HDAC9: variants seen among roughly 807,000 people sequenced by gnomAD.
HDAC9 encodes the protein histone deacetylase 9.
In HDAC9, 41 loss-of-function variants were observed where a neutral mutation model predicts 139.4. The observed-to-expected ratio is 0.29, with a 90% CI of 0.23 to 0.38. The LOEUF (loss-of-function observed/expected upper bound fraction) is 0.38, where lower values mean the gene tolerates loss of function less well. HDAC9 is among the 10% of genes least tolerant of loss of function. The pLI, the probability that HDAC9 is intolerant of heterozygous loss-of-function variation, is 1.00. For missense variants in HDAC9, 1,147 were observed against 1,297.0 expected (o/e 0.88, Z 1.78); for synonymous variants, 517 against 476.2 (o/e 1.09, Z -1.12).
chr7:18,530,451 C>T (rs1425346132), intron 2 of HDAC9, among the ~76,000 whole-genome samples: 1 of 151,998 alleles, frequency 6.6e-6, no homozygotes, highest in Non-Finnish European at 1.5e-5. Flanking sequence ...AAAATGCACC[C>T]TTGCTAAAGC....
chr7:18,673,253 T>C (rs1050121509), intron 12 of HDAC9, among the ~76,000 whole-genome samples: 1 of 151,970 alleles, frequency 6.6e-6, no homozygotes, highest in African/African-American at 2.4e-5. Context: ...TGCTGTAGCC[T>C]GAGTGACAAA....
chr7:18,553,311 A>T (rs1817715248), intron 2 of HDAC9, among the ~76,000 whole-genome samples: 1 of 152,150 alleles, frequency 6.6e-6, no homozygotes, highest in Non-Finnish European at 1.5e-5. Context: ...TAAAATAAAA[A>T]CCTTAAGAAC....
At chr7:18,481,657 T>G (rs1417656739) in intron 1 of HDAC9, among the ~76,000 whole-genome samples, 17 of 152,176 alleles carry the variant, frequency 1.1e-4, no homozygotes, top group Non-Finnish European at 2.2e-4. Context: ...GATAAAATGA[T>G]GTAATGTGAG....
chr7:18,362,111 C>G (rs1267917879), intron 1 of HDAC9, among the ~76,000 whole-genome samples: 3 of 152,208 alleles, frequency 2.0e-5, no homozygotes, highest in Non-Finnish European at 4.4e-5. Flanking sequence ...GCTCTCCTCA[C>G]TGATTATGAA....
Position 18,594,003 on chromosome 7 carries a change from A to T in HDAC9, c.638A>T (p.Lys213Met), listed in dbSNP as rs1002719050. ...ACATTACCAGGAGCACAAGATGCAA[A>T]GGATGATTTCCCCCTTCGAAAAACT... Reference protein sequence around the residue: ...KYTLPGAQDAKDDFPLRKTAS... With the variant: ...KYTLPGAQDAMDDFPLRKTAS... The change falls in exon 6 of 26, where the codon AAG (lysine) becomes ATG (methionine). Residue 213 changes from lysine to methionine, a missense_variant. This residue lies in a region of HDAC9 where 79 missense variants were observed against 65.8 expected (regional missense o/e 1.20). Coordinates refer to ENST00000686413, the MANE Select transcript of HDAC9 (RefSeq NM_178425.4). 3.7e-6 allele frequency: 6 copies of T among 1,612,646 alleles called. No individual in the cohort carries two copies. The highest frequency in any genetic ancestry group is 5.1e-6 in the Non-Finnish European group (6 of 1,179,040).
intron 1 of HDAC9, among the ~76,000 whole-genome samples, chr7:18,365,546 A>C (rs997722509): frequency 2.0e-5 from 3 of 152,104 alleles, no homozygotes; most frequent in African/African-American, 7.2e-5. Flanking sequence ...TTTCTCCAAT[A>C]ATCCTTAGCC....
intron 23 of HDAC9, among the ~76,000 whole-genome samples, chr7:18,946,008 G>C (rs1198601606): frequency 8.9e-6 from 1 of 112,414 alleles, no homozygotes; most frequent in East Asian, 2.9e-4. Flanking sequence ...CTGCACTCCA[G>C]CCTGGGTGAT....
intron 2 of HDAC9, among the ~76,000 whole-genome samples, chr7:18,241,301 T>C (rs1197200448): frequency 6.6e-6 from 1 of 152,232 alleles, no homozygotes; most frequent in African/African-American, 2.4e-5. Context: ...ATGGTCTCTT[T>C]GTGAATTCCT....
chr7:18,756,511 A>G (rs1193747243), intron 14 of HDAC9, among the ~76,000 whole-genome samples: 1 of 152,224 alleles, frequency 6.6e-6, no homozygotes, highest in Non-Finnish European at 1.5e-5. Flanking sequence ...AACCTCAGTA[A>G]TTTATCATTG....
At chr7:18,368,665 T>C (rs1784369240) in intron 1 of HDAC9, among the ~76,000 whole-genome samples, 2 of 152,120 alleles carry the variant, frequency 1.3e-5, no homozygotes, top group South Asian at 2.1e-4. Context: ...GGATTAACCC[T>C]TTCCATTATC....
At chr7:18,635,330 A>G (rs943505440) in intron 8 of HDAC9, among the ~76,000 whole-genome samples, 1 of 151,974 alleles carries the variant, frequency 6.6e-6, no homozygotes, top group African/African-American at 2.4e-5. Flanking sequence ...CACTGAGCAA[A>G]CATTTTTTGA....
intron 20 of HDAC9, 55 bp from the exon 21 acceptor site, chr7:18,835,845 C>A (rs778271640): frequency 1.9e-5 from 24 of 1,238,422 alleles, no homozygotes; most frequent in Non-Finnish European, 2.4e-5. Context: ...TCTCTTCTTG[C>A]TTTCTTCCAT....
At chr7:18,127,030 T>C (rs1784715496) in intron 1 of HDAC9, among the ~76,000 whole-genome samples, 1 of 152,116 alleles carries the variant, frequency 6.6e-6, no homozygotes, top group African/African-American at 2.4e-5. Context: ...TTATCTAATT[T>C]TGGTTTTGCA....
At chr7:18,733,398 A>G (rs943297599) in intron 13 of HDAC9, among the ~76,000 whole-genome samples, 24 of 150,720 alleles carry the variant, frequency 1.6e-4, no homozygotes, top group Admixed American at 1.1e-3. Context: ...TATTACTCAT[A>G]TTAGAATAGA....
chr7:18,362,792 G>GTCTCA (rs1445863816), intron 1 of HDAC9, among the ~76,000 whole-genome samples: 1 of 152,140 alleles, frequency 6.6e-6, no homozygotes, highest in Non-Finnish European at 1.5e-5. Flanking sequence ...GTATTCATGA[G>GTCTCA]TCTCATATTT....
At chr7:18,316,811 T>C (rs1268029935) in intron 1 of HDAC9, among the ~76,000 whole-genome samples, 1 of 151,560 alleles carries the variant, frequency 6.6e-6, no homozygotes, top group African/African-American at 2.4e-5. Flanking sequence ...AGCAAGCCTC[T>C]GTCTCAAAAA....
intron 23 of HDAC9, among the ~76,000 whole-genome samples, chr7:18,950,488 G>A (rs950731186): frequency 6.6e-6 from 1 of 152,028 alleles, no homozygotes; most frequent in Non-Finnish European, 1.5e-5. Context: ...TAGCTATGGT[G>A]AGCAGAATAA....
At chr7:18,429,602 T>G (rs1009272527) in intron 1 of HDAC9, among the ~76,000 whole-genome samples, 7 of 152,100 alleles carry the variant, frequency 4.6e-5, no homozygotes, top group African/African-American at 7.2e-5. Flanking sequence ...AAACTTGTCT[T>G]TACCTTTTAG....
intron 14 of HDAC9, among the ~76,000 whole-genome samples, chr7:18,751,951 A>AT (rs940421149): frequency 8.2e-4 from 122 of 148,928 alleles, no homozygotes; most frequent in South Asian, 1.5e-3. Context: ...TCCCAAGTCC[A>AT]TTTTTTTTTT....
Sources: allele counts gnomAD v4.1 joint callset (sites outside exome capture counted in the v4.1 genomes callset), GRCh38; gene constraint gnomAD v4.1.1; regional missense constraint gnomAD v4.1.1; transcripts MANE v1.5; gene names NCBI Gene and HGNC (gene_info 2026-07-23, HGNC 2026-07-21).